CELSR1: variants seen among roughly 807,000 people sequenced by gnomAD.
CELSR1 encodes the protein cadherin EGF LAG seven-pass G-type receptor 1.
A neutral mutation model predicts 249.1 loss-of-function variants in CELSR1; 110 were observed. The ratio of observed to expected loss-of-function variants is 0.44; its 90% CI spans 0.38 to 0.52. The LOEUF is 0.52. Ranked by LOEUF, CELSR1 falls within the 20% of genes least tolerant of loss-of-function variation. CELSR1 has a pLI of 0.00. For missense variants in CELSR1, 4,109 were observed against 4,296.4 expected, an observed-to-expected ratio of 0.96 and a Z score of 1.22; for synonymous variants, 2,113 against 1,900.0, an observed-to-expected ratio of 1.11 and a Z score of -2.92.
chr22:46,442,437 C>A (rs143278415), intron 2 of CELSR1, among the ~76,000 whole-genome samples: 153 of 152,350 alleles, frequency 1.0e-3, no homozygotes, highest in Non-Finnish European at 1.6e-3. Flanking sequence ...GTGGCTGAGG[C>A]CTTGTATACC....
chr22:46,473,553 C>G lies in CELSR1; in HGVS notation c.3545-9208G>C, dbSNP rs1031919857. 2.0e-5 allele frequency among the ~76,000 whole-genome samples: 3 copies of G among 152,152 alleles called. No individual in the cohort carries two copies. The highest frequency in any genetic ancestry group is 7.2e-5 in the African/African-American group (3 of 41,420). On this transcript the variant is annotated intron_variant, in intron 1 of 34. Coordinates refer to ENST00000674500, the MANE Select transcript of CELSR1 (RefSeq NM_001378328.1). This position sits in a 1 kb window ranked among gnomAD's most constrained non-coding sequence, Gnocchi z 6.6. ...CACCAAAGCCTGGGGGGCTCCTCCA[C>G]TCTCCCGTCACCAACGCCCCTCGAG...
At chr22:46,521,772 G>A (rs1308168142) in intron 1 of CELSR1, among the ~76,000 whole-genome samples, 7 of 152,106 alleles carry the variant, frequency 4.6e-5, no homozygotes, top group African/African-American at 7.2e-5. Flanking sequence ...AGCCAAGATC[G>A]CGCCATTGCA....
intron 1 of CELSR1, among the ~76,000 whole-genome samples, chr22:46,524,549 T>TGC (rs143455492): frequency 0.43 from 51,814 of 121,474 alleles, 9,930 homozygotes; most frequent in African/African-American, 0.56. Flanking sequence ...TGCGTGTGTG[T>TGC]GTGTGTGTGT....
chr22:46,449,236 C>T (rs1209326180), intron 2 of CELSR1, among the ~76,000 whole-genome samples: 1 of 151,736 alleles, frequency 6.6e-6, no homozygotes, highest in Non-Finnish European at 1.5e-5. Context: ...ATCCATCCAG[C>T]CATCCAACAA....
chr22:46,367,910 C>T, intron 27 of CELSR1, 55 bp from the exon 28 acceptor site: 1 of 1,551,418 alleles, frequency 6.4e-7, no homozygotes. Context: ...CTCCCTTCCT[C>T]CCTCCCTCTC....
chr22:46,381,999 C>G lies in CELSR1; in HGVS notation c.6935G>C (p.Arg2312Pro), dbSNP rs7287089. The G allele has an allele frequency of 3.0e-3, 4,715 of 1,563,818 alleles. 103 individuals are homozygous for G. The African/African-American group carries it at 0.052, about 17-fold the overall frequency. Residue 2312 changes from arginine to proline, a missense_variant, in exon 21 of 35, where the codon CGC (arginine) becomes CCC (proline). By Grantham distance (103) the Arg-to-Pro change is moderately radical. Transcript: ENST00000674500. This position sits in a 1 kb window ranked among gnomAD's most constrained non-coding sequence, Gnocchi z 6.0. The stretch of plus-strand genomic sequence containing the variant: ...CTCCCTCTCGGTGCCAGGCCCCGGG[C>G]GCGTGGTCTGCGGGGTGGTCCTCCG... The part of the protein sequence containing the change: ...AGRRTTPQTT[R>P]PGPGTEREAP...
In CELSR1 at chr22:46,537,542, G is replaced by GGCT. The variant is rs1314430429; in HGVS notation, c.-375_-373dup. Among the ~76,000 whole-genome samples the GGCT allele has an allele frequency of 6.8e-6, 1 of 147,748 alleles. No individual in the cohort carries two copies. The highest frequency in any genetic ancestry group is 1.5e-5 in the Non-Finnish European group (1 of 66,424). ...CGGGGCGGGCCCGGCGCGGGGCGGG[G>GGCT]GCTGAGTTCCCGGAGCGGGCTGGGC... On this transcript the variant is annotated 5_prime_UTR_variant, in exon 1 of 35. Coordinates refer to ENST00000674500, the MANE Select transcript of CELSR1 (RefSeq NM_001378328.1). The surrounding 1 kb of genome is among the most constrained non-coding windows in gnomAD (Gnocchi z 5.8).
intron 5 of CELSR1, among the ~76,000 whole-genome samples, chr22:46,420,670 A>G (rs955974250): frequency 2.0e-5 from 3 of 152,102 alleles, no homozygotes; most frequent in Non-Finnish European, 4.4e-5. Context: ...TGCTCATACA[A>G]AGTCATGGCC....
intron 2 of CELSR1, among the ~76,000 whole-genome samples, chr22:46,452,418 G>A (rs889493426): frequency 6.6e-5 from 10 of 152,272 alleles, no homozygotes; most frequent in Non-Finnish European, 1.2e-4. Context: ...AGTCCTGGTT[G>A]CCAAGACTGG....
intron 1 of CELSR1, among the ~76,000 whole-genome samples, chr22:46,510,734 G>A (rs1237236780): frequency 6.6e-6 from 1 of 152,158 alleles, no homozygotes; most frequent in Non-Finnish European, 1.5e-5. Flanking sequence ...GAGTGTGTGT[G>A]CTTATCTTTG....
At chr22:46,504,339 C>T (rs546822671) in intron 1 of CELSR1, among the ~76,000 whole-genome samples, 271 of 151,864 alleles carry the variant, frequency 1.8e-3, no homozygotes, top group African/African-American at 6.2e-3. Flanking sequence ...TGTTGAAACC[C>T]CATCTCTACT....
At chr22:46,387,570 G>C (rs2079045869) in intron 18 of CELSR1, among the ~76,000 whole-genome samples, 1 of 152,036 alleles carries the variant, frequency 6.6e-6, no homozygotes, top group Non-Finnish European at 1.5e-5. Context: ...TGTTGCCCAG[G>C]CTGGTCTCGA....
intron 1 of CELSR1, among the ~76,000 whole-genome samples, chr22:46,469,871 G>A (rs2080135928): frequency 7.5e-6 from 1 of 133,264 alleles, no homozygotes; most frequent in Non-Finnish European, 1.6e-5. Context: ...AGTCCCTGAG[G>A]ACCCAGAACC....
intron 1 of CELSR1, among the ~76,000 whole-genome samples, chr22:46,525,406 A>G (rs1275731736): frequency 2.0e-5 from 3 of 150,420 alleles, no homozygotes; most frequent in African/African-American, 7.4e-5. Flanking sequence ...CTGAGATCGC[A>G]CCATTGCACT....
intron 1 of CELSR1, chr22:46,481,653 A>G: frequency 3.1e-6 from 2 of 650,870 alleles, no homozygotes; most frequent in Non-Finnish European, 2.8e-6. Context: ...AGAACATGAG[A>G]CAATGCATCT....
intron 1 of CELSR1, among the ~76,000 whole-genome samples, chr22:46,504,719 T>C (rs1214943193): frequency 6.6e-6 from 1 of 152,188 alleles, no homozygotes; most frequent in African/African-American, 2.4e-5. Flanking sequence ...TTAGCACAAA[T>C]ATTCCCGAGG....
intron 2 of CELSR1, among the ~76,000 whole-genome samples, chr22:46,456,579 C>T (rs958315826): frequency 5.0e-5 from 7 of 140,678 alleles, no homozygotes; most frequent in Admixed American, 3.0e-4. Context: ...AGGAGAATGG[C>T]GTGAACCTGG....
In CELSR1 at chr22:46,393,111, C is replaced by T. The variant is rs2079111219; in HGVS notation, c.5964+1031G>A. ...CCAAGGGTGCCCTGGTACCAGCTTC[C>T]CTCCTAGGGCCAGCCGCATCTGCAG... is the stretch of plus-strand genomic sequence containing the variant. On this transcript the variant is annotated intron_variant, in intron 14 of 34. Transcript: ENST00000674500. The surrounding 1 kb of genome is among the most constrained non-coding windows in gnomAD (Gnocchi z 4.1). Among the ~76,000 whole-genome samples the T allele has an allele frequency of 6.6e-6, 1 of 152,116 alleles. No individual in the cohort carries two copies. The highest frequency in any genetic ancestry group is 2.4e-5 in the African/African-American group (1 of 41,424).
intron 1 of CELSR1, among the ~76,000 whole-genome samples, chr22:46,531,204 T>C (rs2080788755): frequency 6.6e-6 from 1 of 151,552 alleles, no homozygotes; most frequent in Non-Finnish European, 1.5e-5. Context: ...TTTATTTATT[T>C]ATTTATTTAT....
Sources: gnomAD v4.1 joint callset for allele counts (sites outside exome capture counted in the v4.1 genomes callset) on GRCh38, gnomAD v4.1.1 for gene constraint, Gnocchi (gnomAD v3.1) non-coding constraint, MANE v1.5 for transcripts, NCBI Gene and HGNC (gene_info 2026-07-23, HGNC 2026-07-21) for gene names.